MACROD2: variants seen among roughly 807,000 people sequenced by gnomAD.
MACROD2 encodes the protein ADP-ribose glycohydrolase MACROD2.
MACROD2 carries 36 observed loss-of-function variants against 70.4 expected under a neutral mutation model. The observed-to-expected ratio is 0.51, with a 90% CI of 0.39 to 0.68. The LOEUF is 0.68. Among genes scored for constraint, MACROD2 ranks in the 30% least tolerant of loss-of-function variants. MACROD2 has a pLI of 0.00. For missense variants in MACROD2, 496 were observed against 538.4 expected (o/e 0.92, Z 0.78); for synonymous variants, 172 against 178.8 (o/e 0.96, Z 0.30).
intron 3 of MACROD2, among the ~76,000 whole-genome samples, chr20:14,355,337 A>T (rs1169507527): frequency 6.6e-6 from 1 of 152,222 alleles, no homozygotes; most frequent in Non-Finnish European, 1.5e-5. Context: ...TATGACTCTG[A>T]CTAGGAGTGT....
intron 8 of MACROD2, among the ~76,000 whole-genome samples, chr20:15,596,653 C>T (rs1600646977): frequency 6.6e-6 from 1 of 152,182 alleles, no homozygotes; most frequent in East Asian, 1.9e-4. Flanking sequence ...CAGTGATTGG[C>T]AGTGTACTTC....
intron 2 of MACROD2, among the ~76,000 whole-genome samples, chr20:14,072,726 A>G (rs2053863305): frequency 6.6e-6 from 1 of 152,170 alleles, no homozygotes. Context: ...CGAGGTCAGG[A>G]GATCGAGACC....
intron 8 of MACROD2, among the ~76,000 whole-genome samples, chr20:15,580,742 G>A (rs986058637): frequency 6.6e-6 from 1 of 152,168 alleles, no homozygotes. Flanking sequence ...TTCCTGGGGA[G>A]AACCAGAGTG....
chr20:15,952,725 A>G (rs542092154), intron 12 of MACROD2, among the ~76,000 whole-genome samples: 2 of 152,214 alleles, frequency 1.3e-5, no homozygotes, highest in South Asian at 2.1e-4. Flanking sequence ...CTTTAGGGGA[A>G]CACATTAGTT....
chr20:14,311,214 A>C (rs2082564172), intron 3 of MACROD2, among the ~76,000 whole-genome samples: 1 of 152,216 alleles, frequency 6.6e-6, no homozygotes. Flanking sequence ...TAAGTGCCCG[A>C]TACAGGTGTA....
At chr20:14,882,484 T>G (rs1479110654) in intron 5 of MACROD2, among the ~76,000 whole-genome samples, 1 of 152,190 alleles carries the variant, frequency 6.6e-6, no homozygotes, top group African/African-American at 2.4e-5. Context: ...ATACTCAGTT[T>G]GTGACACACA....
At chr20:14,735,236 A>G (rs2071649317) in intron 5 of MACROD2, among the ~76,000 whole-genome samples, 1 of 152,212 alleles carries the variant, frequency 6.6e-6, no homozygotes. Context: ...TGCCTGTCAT[A>G]TCTGATGAGT....
At chr20:15,986,853 C>A (rs1180306996) in intron 14 of MACROD2, 52 bp downstream of exon 14, 4 of 1,407,556 alleles carry the variant, frequency 2.8e-6, no homozygotes, top group Middle Eastern at 4.1e-4. Context: ...AACTGTGAAT[C>A]ATGACTTCTA....
chr20:15,892,503 A>C (rs778034253), intron 10 of MACROD2, among the ~76,000 whole-genome samples: 63 of 152,230 alleles, frequency 4.1e-4, no homozygotes, highest in Admixed American at 5.9e-4. Flanking sequence ...TTCTAGCCCC[A>C]TTCCTTTCTC....
intron 8 of MACROD2, among the ~76,000 whole-genome samples, chr20:15,645,520 A>G (rs961758955): frequency 6.6e-6 from 1 of 152,224 alleles, no homozygotes; most frequent in African/African-American, 2.4e-5. Context: ...TCACTGCCTC[A>G]TCTTGCATGT....
At chr20:15,093,466 G>A (rs979563426) in intron 5 of MACROD2, among the ~76,000 whole-genome samples, 94 of 151,774 alleles carry the variant, frequency 6.2e-4, no homozygotes, top group African/African-American at 2.1e-3. Context: ...CCTTGTTAGC[G>A]TGTTTCATTT....
At chr20:15,270,277 A>G (rs1397734590) in intron 6 of MACROD2, among the ~76,000 whole-genome samples, 1 of 152,144 alleles carries the variant, frequency 6.6e-6, no homozygotes, top group East Asian at 1.9e-4. Context: ...ATATGATGGA[A>G]TACTACACAA....
intron 5 of MACROD2, among the ~76,000 whole-genome samples, chr20:14,767,025 A>G (rs1166604229): frequency 1.3e-5 from 2 of 152,054 alleles, no homozygotes; most frequent in Non-Finnish European, 2.9e-5. Context: ...TGTGCGAACA[A>G]ACATTCTCGT....
At chr20:15,069,955 TAG>T (rs1217405040) in intron 5 of MACROD2, among the ~76,000 whole-genome samples, 1 of 152,108 alleles carries the variant, frequency 6.6e-6, no homozygotes, top group Non-Finnish European at 1.5e-5. Context: ...AAGAGAATGG[TAG>T]AGTCACCAGC....
intron 10 of MACROD2, among the ~76,000 whole-genome samples, chr20:15,902,931 G>T (rs760885664): frequency 6.6e-5 from 10 of 152,110 alleles, no homozygotes; most frequent in Non-Finnish European, 1.5e-4. Context: ...GTGAGCCTGT[G>T]TGTGTGGTGG....
intron 5 of MACROD2, among the ~76,000 whole-genome samples, chr20:15,144,851 G>C (rs185280258): frequency 6.6e-6 from 1 of 152,228 alleles, no homozygotes; most frequent in East Asian, 1.9e-4. Flanking sequence ...CTGTTCTATA[G>C]TACTTACTAT....
intron 5 of MACROD2, among the ~76,000 whole-genome samples, chr20:15,160,657 C>T (rs933928298): frequency 2.0e-5 from 3 of 152,060 alleles, no homozygotes; most frequent in African/African-American, 7.2e-5. Flanking sequence ...CTATCTGCCC[C>T]CAGTGCTTTT....
At chr20:15,189,033 G>C (rs1055720235) in intron 5 of MACROD2, among the ~76,000 whole-genome samples, 1 of 152,072 alleles carries the variant, frequency 6.6e-6, no homozygotes, top group Non-Finnish European at 1.5e-5. Context: ...ATCCCCTTTA[G>C]GGTTCAGCAT....
At chr20:15,512,480 A>G (rs778356175) in intron 8 of MACROD2, among the ~76,000 whole-genome samples, 4 of 152,226 alleles carry the variant, frequency 2.6e-5, no homozygotes, top group Non-Finnish European at 5.9e-5. Context: ...TTGAGTACTT[A>G]TTGTAGGCAG....
Sources: gnomAD v4.1 joint callset for allele counts (sites outside exome capture counted in the v4.1 genomes callset) on GRCh38, gnomAD v4.1.1 for gene constraint, MANE v1.5 for transcripts, NCBI Gene and HGNC (gene_info 2026-07-23, HGNC 2026-07-21) for gene names.